Variants in SIDT1 observed in about 807,000 individuals in gnomAD.
The protein encoded by SIDT1 is SID1 transmembrane family, member 1.
SIDT1 carries 101 observed loss-of-function variants against 107.5 expected under a neutral mutation model. That is an observed-to-expected ratio of 0.94 (90% confidence interval 0.80 to 1.11). SIDT1 has a LOEUF of 1.11. SIDT1 is among the 50% of genes least tolerant of loss of function. The pLI, the probability that SIDT1 is intolerant of heterozygous loss-of-function variation, is 0.00. For synonymous variants in SIDT1, 395 were observed against 398.2 expected (o/e 0.99, Z 0.10); for missense variants, 1,076 against 1,058.2 (o/e 1.02, Z -0.23).
chr3:113,601,770 A>G (rs1944977600), intron 11 of SIDT1, 111 bp downstream of exon 11: 4 of 656,546 alleles, frequency 6.1e-6, no homozygotes, highest in East Asian at 6.1e-5. Context: ...CAGCTATCCT[A>G]TGAGATTGTC....
intron 1 of SIDT1, among the ~76,000 whole-genome samples, chr3:113,540,004 C>CAA (rs573816383): frequency 4.6e-5 from 4 of 87,318 alleles, no homozygotes; most frequent in South Asian, 4.0e-4. Flanking sequence ...AACTCCGTCT[C>CAA]AAAAAAAAAA....
At chr3:113,579,465 C>G (rs528798128) in intron 4 of SIDT1, among the ~76,000 whole-genome samples, 1 of 151,908 alleles carries the variant, frequency 6.6e-6, no homozygotes, top group South Asian at 2.1e-4. Context: ...TTTTGAAGAG[C>G]CCTGTATTAT....
At chr3:113,590,398 G>C (rs138241585) in intron 9 of SIDT1, among the ~76,000 whole-genome samples, 2 of 152,308 alleles carry the variant, frequency 1.3e-5, no homozygotes, top group Admixed American at 1.3e-4. Context: ...CTCATTTTGA[G>C]AGAATAATTC....
intron 1 of SIDT1, among the ~76,000 whole-genome samples, chr3:113,534,718 C>T (rs1284249728): frequency 6.6e-6 from 1 of 152,198 alleles, no homozygotes; most frequent in African/African-American, 2.4e-5. Flanking sequence ...GTCTCAGCTT[C>T]CCCCTAAATC....
intron 21 of SIDT1, among the ~76,000 whole-genome samples, chr3:113,620,192 A>ATGTGTGTGTGTGTG (rs3085042): frequency 2.4e-4 from 34 of 144,654 alleles, no homozygotes; most frequent in Non-Finnish European, 4.4e-4. Flanking sequence ...CTTTTACTAA[A>ATGTGTGTGTGTGTG]TGTGTGTGTG....
intron 7 of SIDT1, 82 bp downstream of exon 7, chr3:113,583,578 G>A (rs2271493): frequency 0.24 from 236,105 of 1,004,560 alleles, 31,605 homozygotes; most frequent in East Asian, 0.61. Flanking sequence ...CTCCTTTCTA[G>A]TTCCCACTAA....
At chr3:113,546,908 C>T (rs965454052) in intron 1 of SIDT1, among the ~76,000 whole-genome samples, 1 of 152,172 alleles carries the variant, frequency 6.6e-6, no homozygotes, top group African/African-American at 2.4e-5. Context: ...ACAGAAATTT[C>T]ATGTCAACAC....
intron 24 of SIDT1, among the ~76,000 whole-genome samples, chr3:113,626,636 A>G (rs1477980401): frequency 2.6e-5 from 4 of 151,848 alleles, no homozygotes; most frequent in Non-Finnish European, 4.4e-5. Context: ...TATTTTACAT[A>G]TTCCTTAAGT....
intron 1 of SIDT1, among the ~76,000 whole-genome samples, chr3:113,553,227 T>C (rs956268770): frequency 1.3e-5 from 2 of 152,164 alleles, no homozygotes; most frequent in African/African-American, 4.8e-5. Context: ...AAGTTGTCTT[T>C]GAAGAGGAAG....
chr3:113,618,047 C>T (rs898003475), intron 20 of SIDT1, among the ~76,000 whole-genome samples: 1 of 152,168 alleles, frequency 6.6e-6, no homozygotes, highest in Non-Finnish European at 1.5e-5. Context: ...CAAGACAGTT[C>T]CACTGCCCTA....
intron 6 of SIDT1, chr3:113,581,789 C>G (rs1157880850): frequency 4.3e-6 from 1 of 230,696 alleles, no homozygotes; most frequent in Non-Finnish European, 8.6e-6. Flanking sequence ...AGGAGAGTCT[C>G]TTGAACCCAA....
intron 1 of SIDT1, among the ~76,000 whole-genome samples, chr3:113,553,820 C>T (rs1479446871): frequency 6.6e-6 from 1 of 152,154 alleles, no homozygotes; most frequent in South Asian, 2.1e-4. Context: ...CTGAGGTGGG[C>T]GGATCACCTG....
chr3:113,617,174 G>A (rs759340868), intron 20 of SIDT1, among the ~76,000 whole-genome samples: 3 of 152,118 alleles, frequency 2.0e-5, no homozygotes, highest in Non-Finnish European at 2.9e-5. Context: ...CGAGAAAACT[G>A]GGACCCGTGT....
chr3:113,602,962 C>T, intron 11 of SIDT1, 43 bp from the exon 12 acceptor site: 1 of 1,604,472 alleles, frequency 6.2e-7, no homozygotes, highest in Non-Finnish European at 8.5e-7. Flanking sequence ...GCTCCGTAGG[C>T]TCTCCACGGC....
intron 10 of SIDT1, among the ~76,000 whole-genome samples, chr3:113,598,301 C>T (rs1944716850): frequency 6.6e-6 from 1 of 152,218 alleles, no homozygotes; most frequent in Non-Finnish European, 1.5e-5. Flanking sequence ...TGTCACCTAA[C>T]AAAACACTGA....
At chr3:113,587,137 T>C (rs1010988542) in intron 9 of SIDT1, among the ~76,000 whole-genome samples, 4 of 152,172 alleles carry the variant, frequency 2.6e-5, no homozygotes, top group Non-Finnish European at 5.9e-5. Context: ...GTTTAGGTCT[T>C]GGTTGTATGC....
At position 113,603,951 on chromosome 3, in the gene SIDT1, G is replaced by T; in HGVS notation, c.1264-9G>T. 1.2e-6 allele frequency: 2 copies of T among 1,606,754 alleles called. No individual in the cohort carries two copies. Among genetic ancestry groups the T allele is most frequent in the Non-Finnish European group, 1.7e-6 (2 of 1,175,044 alleles). On this transcript the variant is annotated splice_polypyrimidine_tract_variant and intron_variant, in intron 12 of 24. Transcript: ENST00000264852. ...CAGTTTTGCATTCTCTTTTTATTTGGCATTCCAGATGTTCCTTTACCTGTC... is the reference window on the plus strand; with the variant it reads ...CAGTTTTGCATTCTCTTTTTATTTGTCATTCCAGATGTTCCTTTACCTGTC...
intron 24 of SIDT1, among the ~76,000 whole-genome samples, chr3:113,627,032 A>G (rs1221285931): frequency 6.6e-6 from 1 of 152,180 alleles, no homozygotes; most frequent in South Asian, 2.1e-4. Context: ...TTTGATCGTC[A>G]CCTTCATGAG....
chr3:113,585,342 A>T (rs1943666729), intron 9 of SIDT1, 72 bp downstream of exon 9: 1 of 1,124,724 alleles, frequency 8.9e-7, no homozygotes, highest in East Asian at 2.4e-5. Flanking sequence ...CACAGACTTG[A>T]CAGATATATT....
Sources: gnomAD v4.1 joint callset for allele counts (sites outside exome capture counted in the v4.1 genomes callset) on GRCh38, gnomAD v4.1.1 for gene constraint, MANE v1.5 for transcripts, NCBI Gene and HGNC (gene_info 2026-07-23, HGNC 2026-07-21) for gene names.